MCF2L2: variants seen among roughly 807,000 people sequenced by gnomAD.
MCF2L2 encodes MCF.2 cell line derived transforming sequence-like 2, also known as probable guanine nucleotide exchange factor MCF2L2.
In MCF2L2, 102 loss-of-function variants were observed where a neutral mutation model predicts 150.2. The ratio of observed to expected loss-of-function variants is 0.68; its 90% CI spans 0.58 to 0.80. The LOEUF is 0.80. MCF2L2 is among the 30% of genes least tolerant of loss of function. The pLI, the probability that MCF2L2 is intolerant of heterozygous loss-of-function variation, is 0.00. For synonymous variants in MCF2L2, 465 were observed against 491.3 expected, an observed-to-expected ratio of 0.95 and a Z score of 0.71; for missense variants, 1,256 against 1,372.8, an observed-to-expected ratio of 0.91 and a Z score of 1.34.
At chr3:183,325,130 G>A (rs1419635288) in intron 5 of MCF2L2, among the ~76,000 whole-genome samples, 1 of 109,670 alleles carries the variant, frequency 9.1e-6, no homozygotes, top group Non-Finnish European at 1.8e-5. Context: ...GGTGGGGGGA[G>A]GGGGGAGGGA....
At chr3:183,379,591 C>T (rs1022679090) in intron 2 of MCF2L2, among the ~76,000 whole-genome samples, 180 bp from the exon 3 acceptor site, 2 of 152,106 alleles carry the variant, frequency 1.3e-5, no homozygotes, top group African/African-American at 4.8e-5. Flanking sequence ...CATGCTGGCT[C>T]CATGGCATTG....
chr3:183,199,359 T>G (rs1236695781), intron 25 of MCF2L2, among the ~76,000 whole-genome samples: 1 of 152,216 alleles, frequency 6.6e-6, no homozygotes, highest in East Asian at 1.9e-4. Flanking sequence ...TTCACCCTAG[T>G]AACATTACCT....
rs530835803 is a variant in MCF2L2 at position 183,353,146 on chromosome 3, A to C, written c.276-11516T>G. ...TTAAATTTTTCTGTAGTTTCCATTT[A>C]AAAAATTTAAAAATTAAAAAAAACC... On this transcript the variant is annotated intron_variant, in intron 3 of 29. Coordinates refer to ENST00000328913, the MANE Select transcript of MCF2L2 (RefSeq NM_015078.4). 2.6e-5 allele frequency among the ~76,000 whole-genome samples: 4 copies of C among 152,256 alleles called. No individual in the cohort carries two copies. In the South Asian group the frequency reaches 8.3e-4, roughly 32 times the overall value.
intron 3 of MCF2L2, chr3:183,375,189 C>T (rs1404290699): frequency 6.6e-6 from 1 of 152,202 alleles, no homozygotes; most frequent in Non-Finnish European, 1.5e-5. Flanking sequence ...ATAGGCACAG[C>T]TTAGTTTAAT....
intron 1 of MCF2L2, among the ~76,000 whole-genome samples, chr3:183,409,180 C>T (rs1715192623): frequency 1.3e-5 from 2 of 152,216 alleles, no homozygotes; most frequent in Admixed American, 1.3e-4. Flanking sequence ...AATAAGCCAA[C>T]TTTTCGAGTG....
Position 183,349,673 on chromosome 3 carries a change from C to G in MCF2L2, c.276-8043G>C, listed in dbSNP as rs150273558. Among the ~76,000 whole-genome samples the G allele has an allele frequency of 5.6e-3, 856 of 152,272 alleles. 5 individuals carry two copies. Among genetic ancestry groups the G allele is most frequent in the Non-Finnish European group, 8.3e-3 (563 of 68,026 alleles). ...AACCTAACGAAACAGATGTTATCTC[C>G]TTTTAACAGCAGAAGAAACCAAGGC... On this transcript the variant is annotated intron_variant, in intron 3 of 29. Coordinates refer to ENST00000328913, the MANE Select transcript of MCF2L2 (RefSeq NM_015078.4).
At chr3:183,336,596 C>T (rs906884306) in intron 5 of MCF2L2, among the ~76,000 whole-genome samples, 48 of 151,824 alleles carry the variant, frequency 3.2e-4, no homozygotes, top group African/African-American at 1.1e-3. Flanking sequence ...ACTTGTAATC[C>T]CAGCACTTTG....
At chr3:183,357,752 C>T (rs1711874554) in intron 3 of MCF2L2, among the ~76,000 whole-genome samples, 1 of 151,942 alleles carries the variant, frequency 6.6e-6, no homozygotes, top group Non-Finnish European at 1.5e-5. Flanking sequence ...GGCAGGTTCC[C>T]CAATGCTCTG....
At chr3:183,353,711 C>T (rs546118483) in intron 3 of MCF2L2, among the ~76,000 whole-genome samples, 1 of 152,284 alleles carries the variant, frequency 6.6e-6, no homozygotes, top group South Asian at 2.1e-4. Context: ...TCATCTCCCA[C>T]CAGGCCCCAC....
intron 15 of MCF2L2, chr3:183,271,016 T>C: frequency 7.7e-7 from 1 of 1,306,616 alleles, no homozygotes; most frequent in Non-Finnish European, 1.0e-6. Flanking sequence ...GTCTATACCC[T>C]AAGTAAAATG....
intron 14 of MCF2L2, among the ~76,000 whole-genome samples, chr3:183,277,617 C>T (rs541447836): frequency 6.6e-6 from 1 of 151,474 alleles, no homozygotes; most frequent in South Asian, 2.1e-4. Flanking sequence ...CTAGTTTTGC[C>T]AATTCAGCTC....
At chr3:183,418,638 C>G (rs560411074) in intron 1 of MCF2L2, among the ~76,000 whole-genome samples, 4 of 152,316 alleles carry the variant, frequency 2.6e-5, no homozygotes, top group East Asian at 1.9e-4. Flanking sequence ...AAAGGGGCTA[C>G]AGGCCTCACA....
chr3:183,273,061 G>T (rs1726920302), intron 15 of MCF2L2: 1 of 1,482,986 alleles, frequency 6.7e-7, no homozygotes, highest in Non-Finnish European at 9.0e-7. Flanking sequence ...ACTGAGAAGA[G>T]TATCTGTAAA....
At chr3:183,255,128 G>C (rs1049656695) in intron 15 of MCF2L2, among the ~76,000 whole-genome samples, 3 of 152,164 alleles carry the variant, frequency 2.0e-5, no homozygotes, top group Admixed American at 1.3e-4. Flanking sequence ...TTGTGCGTCT[G>C]TGCCTTTATT....
chr3:183,270,671 T>C lies in MCF2L2; in HGVS notation c.1862+6201A>G, dbSNP rs776062689. 1.2e-6 allele frequency: 2 copies of C among 1,614,122 alleles called. No homozygotes were observed. The highest frequency in any genetic ancestry group is 1.7e-6 in the Non-Finnish European group (2 of 1,180,034). ...ATGTGTTCATGGGCCTCTGTGCCAA[T>C]AAAATAGGGATAGTACCGCAGGACC... On this transcript the variant is annotated intron_variant, in intron 15 of 29. Coordinates refer to ENST00000328913, the MANE Select transcript of MCF2L2 (RefSeq NM_015078.4). The surrounding 1 kb of genome is among the most constrained non-coding windows in gnomAD (Gnocchi z 4.5).
At chr3:183,356,570 A>T (rs944387562) in intron 3 of MCF2L2, among the ~76,000 whole-genome samples, 7 of 152,170 alleles carry the variant, frequency 4.6e-5, no homozygotes, top group African/African-American at 1.7e-4. Flanking sequence ...GCATCCCTAA[A>T]GGAAAATCTA....
intron 10 of MCF2L2, among the ~76,000 whole-genome samples, chr3:183,301,014 C>CAAAAAA (rs11388183): frequency 3.7e-4 from 24 of 65,570 alleles, no homozygotes; most frequent in East Asian, 8.9e-4. Context: ...GACTCCATCT[C>CAAAAAA]AAAAAAAAAA....
chr3:183,186,482 T>C (rs183312010), intron 27 of MCF2L2, among the ~76,000 whole-genome samples: 1 of 151,956 alleles, frequency 6.6e-6, no homozygotes. Flanking sequence ...TCTCAGCACT[T>C]TGGGAGGCCG....
chr3:183,326,441 G>C (rs527757947), intron 5 of MCF2L2, among the ~76,000 whole-genome samples: 1 of 126,192 alleles, frequency 7.9e-6, no homozygotes, highest in African/African-American at 3.1e-5. Context: ...GCAGTGGGCC[G>C]AGATTACACC....
Sources: allele counts gnomAD v4.1 joint callset (sites outside exome capture counted in the v4.1 genomes callset), GRCh38; gene constraint gnomAD v4.1.1; non-coding constraint Gnocchi (gnomAD v3.1); transcripts MANE v1.5; gene names NCBI Gene and HGNC (gene_info 2026-07-23, HGNC 2026-07-21).